GINS1: variants seen among roughly 807,000 people sequenced by gnomAD.
The protein encoded by GINS1 is DNA replication complex GINS protein PSF1.
GINS1 carries 26 observed loss-of-function variants against 34.9 expected under a neutral mutation model. The ratio of observed to expected loss-of-function variants is 0.74; its 90% CI spans 0.55 to 1.03. The LOEUF (loss-of-function observed/expected upper bound fraction) is 1.03. Among genes scored for constraint, GINS1 ranks in the 50% least tolerant of loss-of-function variants. The pLI is 0.00. For synonymous variants in GINS1, 97 were observed against 84.4 expected, an observed-to-expected ratio of 1.15 and a Z score of -0.82; for missense variants, 235 against 237.9, an observed-to-expected ratio of 0.99 and a Z score of 0.08.
intron 2 of GINS1, among the ~76,000 whole-genome samples, chr20:25,415,435 C>A (rs1667774558): frequency 1.3e-5 from 2 of 152,184 alleles, no homozygotes; most frequent in Admixed American, 1.3e-4. Context: ...TGCCTGTAGT[C>A]CCAGCACTTT....
At chr20:25,426,753 G>A (rs943903538) in intron 5 of GINS1, among the ~76,000 whole-genome samples, 5 of 151,804 alleles carry the variant, frequency 3.3e-5, no homozygotes, top group African/African-American at 9.7e-5. Flanking sequence ...TCGAACTCCC[G>A]AGCTCAGGTG....
In GINS1 at chr20:25,420,793, AAAAG is replaced by A. The variant is rs1232716548; in HGVS notation, c.330+2602_330+2605del. The A allele has an allele frequency of 5.7e-6, 5 of 882,770 alleles. No individual in the cohort carries two copies. In the Admixed American group the frequency reaches 2.5e-4, roughly 44 times the overall value. 54.7% of individuals were successfully genotyped at this position (882,770 alleles called of 1,614,324 possible). A position where few individuals can be genotyped will look rare whatever the true frequency, so the allele number is the denominator to read the frequency against. The stretch of plus-strand genomic sequence containing the variant: ...TGAGACCCTGTCTCAAAAAAAAAAA[AAAAG>A]AAAAAAAGAAAAAGAATAAAAGGAA... On this transcript the variant is annotated intron_variant, in intron 4 of 6. Coordinates refer to ENST00000262460, the MANE Select transcript of GINS1 (RefSeq NM_021067.5).
chr20:25,440,147 C>T (rs1371505652), intron 5 of GINS1, among the ~76,000 whole-genome samples: 4 of 152,008 alleles, frequency 2.6e-5, no homozygotes, highest in East Asian at 1.9e-4. Context: ...ATTACAGGCA[C>T]GCACCACCAC....
intron 5 of GINS1, among the ~76,000 whole-genome samples, chr20:25,435,368 A>G (rs2090448379): frequency 6.6e-6 from 1 of 152,160 alleles, no homozygotes; most frequent in Non-Finnish European, 1.5e-5. Flanking sequence ...GCACAATCAT[A>G]GCTCACTGTA....
chr20:25,445,402 A>G (rs1440866345), intron 6 of GINS1, among the ~76,000 whole-genome samples: 2 of 145,588 alleles, frequency 1.4e-5, no homozygotes, highest in Non-Finnish European at 3.0e-5. Context: ...GCTGGAGTGC[A>G]GTGGCACGGT....
chr20:25,413,606 G>A (rs774553960), intron 1 of GINS1, 184 bp from the exon 2 acceptor site: 12 of 579,648 alleles, frequency 2.1e-5, no homozygotes, highest in African/African-American at 1.5e-4. Context: ...CACCAGCAAT[G>A]TACGAGGGTT....
Position 25,430,449 on chromosome 20 carries a change from A to G in GINS1, c.447+5122A>G, listed in dbSNP as rs550419524. On this transcript the variant is annotated intron_variant, in intron 5 of 6. Coordinates refer to ENST00000262460, the MANE Select transcript of GINS1 (RefSeq NM_021067.5). ...ATATCTTGAACTGTCCTTGCATTCC[A>G]AAAATAAATCTCAATTGATTTATGA... is the stretch of plus-strand genomic sequence containing the variant. 3.9e-5 allele frequency among the ~76,000 whole-genome samples: 6 copies of G among 152,360 alleles called. No individual in the cohort carries two copies. The East Asian group carries it at 1.2e-3, about 29-fold the overall frequency.
chr20:25,436,038 G>A (rs1600941105), intron 5 of GINS1, among the ~76,000 whole-genome samples: 1 of 150,278 alleles, frequency 6.7e-6, no homozygotes, highest in African/African-American at 2.4e-5. Context: ...TAGCCAGGAT[G>A]GTCTCGATCT....
chr20:25,436,504 T>A (rs539336647), intron 5 of GINS1, among the ~76,000 whole-genome samples: 3 of 152,294 alleles, frequency 2.0e-5, no homozygotes, highest in Admixed American at 6.5e-5. Context: ...GGTCTTTTTT[T>A]ATTTTTGTTC....
At chr20:25,442,556 C>T (rs958833085) in intron 6 of GINS1, among the ~76,000 whole-genome samples, 5 of 151,732 alleles carry the variant, frequency 3.3e-5, no homozygotes, top group African/African-American at 1.2e-4. Flanking sequence ...TAGAAATCTT[C>T]ATATTCACAT....
intron 1 of GINS1, chr20:25,413,375 C>A (rs1449558358): frequency 1.3e-5 from 2 of 156,680 alleles, no homozygotes; most frequent in African/African-American, 2.4e-5. Flanking sequence ...TTAGATTTTT[C>A]AGATAAGTGG....
intron 1 of GINS1, among the ~76,000 whole-genome samples, chr20:25,408,271 T>C (rs565822595): frequency 1.9e-4 from 29 of 152,296 alleles, no homozygotes; most frequent in African/African-American, 6.5e-4. Flanking sequence ...AGTGTGACTT[T>C]GGGGCAGTTA....
chr20:25,444,857 T>G (rs186809325), intron 6 of GINS1, among the ~76,000 whole-genome samples: 39 of 152,238 alleles, frequency 2.6e-4, no homozygotes, highest in Admixed American at 1.7e-3. Context: ...ACGCGGTGGG[T>G]CATGAATACT....
chr20:25,407,889 C>A lies in GINS1; in HGVS notation c.69C>A (p.Ala23=). 6.2e-7 allele frequency: 1 copy of A among 1,612,388 alleles called. No individual in the cohort carries two copies. Among genetic ancestry groups the A allele is most frequent in the Non-Finnish European group, 8.5e-7 (1 of 1,178,510 alleles). ...LHRAPEGQLP[A]FNEDGLRQVL... is the part of the protein sequence containing the mutation. ...GCGCGCCCGAAGGGCAACTGCCTGC[C>A]TTCAACGTGAGGGGCGGGTAGACTT... is the stretch of plus-strand genomic sequence containing the variant. Residue 23 remains alanine (A), a synonymous_variant, in exon 1 of 7, where the codon GCC becomes GCA. Coordinates refer to ENST00000262460, the MANE Select transcript of GINS1 (RefSeq NM_021067.5).
chr20:25,439,277 C>A (rs1188839810), intron 5 of GINS1, among the ~76,000 whole-genome samples: 1 of 152,124 alleles, frequency 6.6e-6, no homozygotes, highest in Non-Finnish European at 1.5e-5. Context: ...CACAAAATCA[C>A]CTTATCTGAT....
intron 3 of GINS1, 51 bp downstream of exon 3, chr20:25,417,253 C>T (rs776567112): frequency 2.4e-6 from 2 of 831,820 alleles, no homozygotes; most frequent in Non-Finnish European, 4.2e-6. Flanking sequence ...GTGTGGCTTC[C>T]CAGTTGACCA....
chr20:25,435,979 ATTT>A (rs71183401), intron 5 of GINS1, among the ~76,000 whole-genome samples: 1 of 138,444 alleles, frequency 7.2e-6, no homozygotes, highest in Non-Finnish European at 1.6e-5. Context: ...TGCCCAGCTA[ATTT>A]TTTTTTTTTT....
chr20:25,425,432 A>G, intron 5 of GINS1, 105 bp downstream of exon 5: 1 of 576,412 alleles, frequency 1.7e-6, no homozygotes, highest in Non-Finnish European at 3.1e-6. Context: ...TTAAAATAGA[A>G]AAGAAGCATA....
chr20:25,410,594 C>T (rs931911336), intron 1 of GINS1, among the ~76,000 whole-genome samples: 3 of 151,942 alleles, frequency 2.0e-5, no homozygotes, highest in Non-Finnish European at 4.4e-5. Flanking sequence ...GGGAGTTTCG[C>T]TCCTGTGGCC....
Sources: gnomAD v4.1 joint callset for allele counts (sites outside exome capture counted in the v4.1 genomes callset) on GRCh38, gnomAD v4.1.1 for gene constraint, MANE v1.5 for transcripts, NCBI Gene and HGNC (gene_info 2026-07-23, HGNC 2026-07-21) for gene names.